The following CACNA1E variants were observed in gnomAD, a reference collection of about 807,000 sequenced individuals.
The protein encoded by CACNA1E is voltage-dependent R-type calcium channel subunit alpha-1E.
Under a neutral mutation model 259.2 loss-of-function variants are expected in CACNA1E, and 40 were observed. That is an observed-to-expected ratio of 0.15 (90% CI 0.12 to 0.20). The LOEUF (loss-of-function observed/expected upper bound fraction) is 0.20. CACNA1E is among the 10% of genes least tolerant of loss of function. The pLI is 1.00. For missense variants in CACNA1E, 1,874 were observed against 3,040.1 expected (o/e 0.62, Z 9.02); for synonymous variants, 1,104 against 1,138.5 (o/e 0.97, Z 0.61).
chr1:181,360,020 G>A (rs1653746743), intron 1 of CACNA1E, among the ~76,000 whole-genome samples: 1 of 152,150 alleles, frequency 6.6e-6, no homozygotes, highest in Admixed American at 6.5e-5. Flanking sequence ...ATGCAAGGCT[G>A]CTCTAGGTCT....
chr1:181,662,590 G>A (rs1647796916), intron 7 of CACNA1E, among the ~76,000 whole-genome samples: 1 of 152,140 alleles, frequency 6.6e-6, no homozygotes, highest in Non-Finnish European at 1.5e-5. Context: ...AGATTACCGG[G>A]GAAATGAAAT....
intron 26 of CACNA1E, among the ~76,000 whole-genome samples, chr1:181,750,997 AG>A (rs764558547): frequency 6.6e-6 from 1 of 151,908 alleles, no homozygotes; most frequent in Non-Finnish European, 1.5e-5. Context: ...GTAGGGGGGT[AG>A]GTATCGCAGG....
rs1667184108 is a variant in CACNA1E, at chr1:181,524,169, T to TTA, written c.512+12661_512+12662dup. Among the ~76,000 whole-genome samples the TTA allele has an allele frequency of 2.0e-5, 3 of 152,374 alleles. No individual in the cohort carries two copies. In the South Asian group the frequency reaches 6.2e-4, roughly 32 times the overall value. ...TTTCCTTTTCATAAAGTGAGAGGGC[T>TTA]TATGCTCATCCCTCAACCAGACTAT... On this transcript the variant is annotated intron_variant, in intron 3 of 47. Transcript: ENST00000367573.
intron 1 of CACNA1E, among the ~76,000 whole-genome samples, chr1:181,391,901 CTCTCTCTGTCTT>C (rs796213049): frequency 0.02 from 2,908 of 148,222 alleles, 109 homozygotes; most frequent in African/African-American, 0.067. Context: ...GTCTCTGTCT[CTCTCTCTGTCTT>C]TCTCTCTCTC....
At position 181,793,684 on chromosome 1, in the gene CACNA1E, T is replaced by C; in HGVS notation, c.5918T>C (p.Leu1973Ser). 2 of 1,610,374 alleles carry C rather than the reference T, an allele frequency of 1.2e-6. No homozygotes were observed. The highest frequency in any genetic ancestry group is 1.7e-6 in the Non-Finnish European group (2 of 1,178,864). ...TTCCAGGAGCCAGAGGTTAGTGAAT[T>C]AAAAAGCGTGCAGCCCTCTAACCAT... ...RQSLEPEVSE[L>S]KSVQPSNHGI... The change falls in exon 45 of 48, where the codon TTA becomes TCA. Residue 1973 changes from leucine to serine, a missense_variant. Leu to Ser is a moderately radical substitution (Grantham distance 145). Around this residue, in one of 14 missense-constraint regions of CACNA1E, gnomAD observed 542 missense variants for 587.2 expected, o/e 0.92. Coordinates refer to ENST00000367573, the MANE Select transcript of CACNA1E (RefSeq NM_001205293.3).
intron 1 of CACNA1E, among the ~76,000 whole-genome samples, chr1:181,380,660 G>A (rs1484475183): frequency 6.6e-6 from 1 of 152,178 alleles, no homozygotes; most frequent in East Asian, 1.9e-4. Flanking sequence ...ACCACTACAT[G>A]TCTATTAGGA....
chr1:181,793,837 T>C (rs1306869536), intron 45 of CACNA1E, 44 bp downstream of exon 45: 1 of 1,591,060 alleles, frequency 6.3e-7, no homozygotes, highest in Non-Finnish European at 8.6e-7. Flanking sequence ...ATCCGGGCTG[T>C]ATTAGCTGGG....
At chr1:181,691,202 G>A (rs1220851997) in intron 7 of CACNA1E, among the ~76,000 whole-genome samples, 4 of 151,358 alleles carry the variant, frequency 2.6e-5, no homozygotes, top group South Asian at 4.2e-4. Context: ...AAATATATAT[G>A]TGTATATATA....
At chr1:181,534,541 G>A (rs577729752) in intron 3 of CACNA1E, among the ~76,000 whole-genome samples, 75 of 152,178 alleles carry the variant, frequency 4.9e-4, no homozygotes, top group African/African-American at 1.8e-3. Context: ...TAAAGACTAT[G>A]TATTGGGTAC....
At chr1:181,504,127 G>A (rs1665501432) in intron 1 of CACNA1E, among the ~76,000 whole-genome samples, 1 of 152,176 alleles carries the variant, frequency 6.6e-6, no homozygotes, top group Non-Finnish European at 1.5e-5. Flanking sequence ...GCCATCCTCT[G>A]AGGCTGTTAC....
At chr1:181,484,437 C>G (rs1362497101) in intron 1 of CACNA1E, among the ~76,000 whole-genome samples, 1 of 152,184 alleles carries the variant, frequency 6.6e-6, no homozygotes, top group Non-Finnish European at 1.5e-5. Flanking sequence ...CAGGAGACAC[C>G]GCACTGTCTT....
intron 1 of CACNA1E, among the ~76,000 whole-genome samples, chr1:181,347,026 C>T (rs950184813): frequency 1.3e-5 from 2 of 152,156 alleles, no homozygotes; most frequent in African/African-American, 4.8e-5. Context: ...GGGCTAATCA[C>T]GGAGGACCAT....
chr1:181,611,780 A>C (rs1022347813), intron 6 of CACNA1E, among the ~76,000 whole-genome samples: 5 of 152,338 alleles, frequency 3.3e-5, no homozygotes, highest in Non-Finnish European at 7.3e-5. Context: ...TATAATATTG[A>C]AAGACCCTAT....
chr1:181,635,721 A>G (rs1657146420), intron 6 of CACNA1E, among the ~76,000 whole-genome samples: 2 of 152,216 alleles, frequency 1.3e-5, no homozygotes, highest in African/African-American at 4.8e-5. Context: ...CTCTGAGAAC[A>G]ACTGCGCTAG....
chr1:181,658,501 C>G (rs1223153230), intron 7 of CACNA1E, among the ~76,000 whole-genome samples: 1 of 152,246 alleles, frequency 6.6e-6, no homozygotes, highest in Non-Finnish European at 1.5e-5. Context: ...AGCCCAGGGT[C>G]TGGCATGGAG....
intron 3 of CACNA1E, among the ~76,000 whole-genome samples, chr1:181,528,828 G>A (rs2102716446): frequency 6.6e-6 from 1 of 152,318 alleles, no homozygotes; most frequent in East Asian, 1.9e-4. Context: ...TGAGTTGGGT[G>A]CTGTTAAAAG....
intron 6 of CACNA1E, among the ~76,000 whole-genome samples, chr1:181,645,087 A>G (rs1489158745): frequency 6.6e-6 from 1 of 152,082 alleles, no homozygotes; most frequent in African/African-American, 2.4e-5. Context: ...CGCAGGGAGG[A>G]AGGCAGGAGT....
At chr1:181,761,556 C>T (rs1329951742) in intron 32 of CACNA1E, among the ~76,000 whole-genome samples, 3 of 152,134 alleles carry the variant, frequency 2.0e-5, no homozygotes, top group Non-Finnish European at 4.4e-5. Context: ...ATCCATTGTC[C>T]TGTGATGTTG....
At chr1:181,553,815 C>T (rs528929933) in intron 3 of CACNA1E, among the ~76,000 whole-genome samples, 26 of 152,138 alleles carry the variant, frequency 1.7e-4, no homozygotes, top group African/African-American at 5.1e-4. Context: ...TATTCATTTG[C>T]GTATGTTGAA....
Sources: gnomAD v4.1 joint callset for allele counts (sites outside exome capture counted in the v4.1 genomes callset) on GRCh38, gnomAD v4.1.1 for gene constraint, gnomAD v4.1.1 regional missense constraint, MANE v1.5 for transcripts, NCBI Gene and HGNC (gene_info 2026-07-23, HGNC 2026-07-21) for gene names.